MYO5B: variants seen among roughly 807,000 people sequenced by gnomAD.
MYO5B encodes myosin VB.
A neutral mutation model predicts 229.3 loss-of-function variants in MYO5B; 143 were observed. The ratio of observed to expected loss-of-function variants is 0.62; its 90% CI spans 0.54 to 0.72. MYO5B has a LOEUF of 0.72. Among genes scored for constraint, MYO5B ranks in the 30% least tolerant of loss-of-function variants. The pLI, the probability that MYO5B is intolerant of heterozygous loss-of-function variation, is 0.00. For synonymous variants in MYO5B, 918 were observed against 885.2 expected, an observed-to-expected ratio of 1.04 and a Z score of -0.66; for missense variants, 2,321 against 2,331.0, an observed-to-expected ratio of 1.00 and a Z score of 0.09.
At chr18:50,172,843 G>T (rs781227590) in intron 1 of MYO5B, among the ~76,000 whole-genome samples, 4 of 152,208 alleles carry the variant, frequency 2.6e-5, no homozygotes, top group African/African-American at 9.7e-5. Context: ...CCCAGAGGAG[G>T]TGACTTGGCA....
intron 1 of MYO5B, among the ~76,000 whole-genome samples, chr18:50,182,043 C>G (rs2033080590): frequency 6.6e-6 from 1 of 152,168 alleles, no homozygotes; most frequent in South Asian, 2.1e-4. Flanking sequence ...AGGTCAAAAG[C>G]CTACTTTTGC....
rs1316824138 is a variant in MYO5B at position 49,837,649 on chromosome 18, C to T, written c.5006G>A (p.Cys1669Tyr). The stretch of plus-strand genomic sequence containing the variant: ...GATCTCAGGGTCCAAGCCCTGGTCA[C>T]ACATGACTGTATGAAAGGCATTCAT... ...RQMNAFHTVM[C>Y]DQGLDPEIIL... is the part of the protein sequence containing the mutation. The change falls in exon 37 of 40, where the codon TGT (cysteine) becomes TAT (tyrosine). Residue 1669 changes from cysteine to tyrosine, a missense_variant. Physicochemically the swap from Cys to Tyr is radical, Grantham distance 194. Transcript: ENST00000285039. The T allele has an allele frequency of 1.2e-6, 2 of 1,614,038 alleles. No homozygotes were observed. Among genetic ancestry groups the T allele is most frequent in the South Asian group, 1.1e-5 (1 of 91,074 alleles).
At chr18:49,982,977 A>C (rs894252331) in intron 8 of MYO5B, among the ~76,000 whole-genome samples, 1 of 152,188 alleles carries the variant, frequency 6.6e-6, no homozygotes, top group Non-Finnish European at 1.5e-5. Context: ...CTACAAGGGC[A>C]GCTGCCAGAG....
At position 49,954,435 on chromosome 18, in the gene MYO5B, C is replaced by G; in HGVS notation, c.1546G>C (p.Val516Leu). Residue 516 changes from valine to leucine, a missense_variant and splice_region_variant, in exon 13 of 40, where the codon GTC (valine) becomes CTC (leucine). Physicochemically the swap from Val to Leu is conservative, Grantham distance 32 (BLOSUM62 1). This residue lies in a region of MYO5B where 2,113 missense variants were observed against 2,044.7 expected (regional missense o/e 1.03). Transcript: ENST00000285039. ...ILDLLDEECK[V>L]PKGTDQNWAQ... ...CAGTTCTGGTCAGTTCCTTTGGGGA[C>G]CTGCAGAACCACAAGATAGGGCAGA... 6.2e-7 allele frequency: 1 copy of G among 1,613,848 alleles called. No individual in the cohort carries two copies. The highest frequency in any genetic ancestry group is 8.5e-7 in the Non-Finnish European group (1 of 1,179,914).
intron 28 of MYO5B, 62 bp downstream of exon 28, chr18:49,864,079 A>C (rs1024681323): frequency 6.3e-6 from 10 of 1,590,136 alleles, no homozygotes; most frequent in East Asian, 2.2e-5. Context: ...AATTAAAAAA[A>C]CACTAATCTA....
At chr18:49,859,905 G>A (rs1568613586) in intron 29 of MYO5B, among the ~76,000 whole-genome samples, 1 of 152,218 alleles carries the variant, frequency 6.6e-6, no homozygotes, top group Non-Finnish European at 1.5e-5. Context: ...ACAGCTCCGA[G>A]CAAATCTTGA....
At chr18:50,090,338 C>CA (rs11393869) in intron 1 of MYO5B, among the ~76,000 whole-genome samples, 103,464 of 136,396 alleles carry the variant, frequency 0.76, 39,404 homozygotes, top group East Asian at 0.97. Context: ...GCAAGACCCT[C>CA]AAAAAAAAAA....
In MYO5B at chr18:50,037,679, C is replaced by T. The variant is rs577580597; in HGVS notation, c.311-685G>A. ...CTTTGGGATGCTGAGGCAGGAGAAT[C>T]GCTTAAGGCCAGGAGTTTGAGACCA... On this transcript the variant is annotated intron_variant, in intron 3 of 39. Coordinates refer to ENST00000285039, the MANE Select transcript of MYO5B (RefSeq NM_001080467.3). 1.8e-3 allele frequency among the ~76,000 whole-genome samples: 279 copies of T among 152,260 alleles called. 2 individuals are homozygous for T. The highest frequency in any genetic ancestry group is 3.1e-3 in the Non-Finnish European group (210 of 68,016).
chr18:50,014,597 GC>G (rs1475177933), intron 4 of MYO5B, among the ~76,000 whole-genome samples: 2 of 152,168 alleles, frequency 1.3e-5, no homozygotes, highest in African/African-American at 4.8e-5. Flanking sequence ...AGTAAATGAA[GC>G]CCAGACTCTC....
At chr18:50,085,903 T>C (rs991891981) in intron 1 of MYO5B, among the ~76,000 whole-genome samples, 8 of 143,452 alleles carry the variant, frequency 5.6e-5, no homozygotes, top group African/African-American at 2.1e-4. Flanking sequence ...CATCACACTC[T>C]GGGGACTGTT....
chr18:49,947,168 C>G lies in MYO5B; in HGVS notation c.1752+6092G>C, dbSNP rs558016887. On this transcript the variant is annotated intron_variant, in intron 14 of 39. Transcript: ENST00000285039. Reference sequence around the variant, plus strand: ...TCACCCAGGCTGGAGTGCAATGGCACGATCTCAGCTCACTGCAAACTCCAC... The same window carrying G: ...TCACCCAGGCTGGAGTGCAATGGCAGGATCTCAGCTCACTGCAAACTCCAC... Among the ~76,000 whole-genome samples, 5 of 140,934 alleles carry G rather than the reference C, an allele frequency of 3.5e-5. No homozygotes were observed. In the East Asian group the frequency reaches 6.4e-4, roughly 18 times the overall value. 92.5% of individuals were successfully genotyped at this position (140,934 alleles called of 152,430 possible).
chr18:49,849,305 C>A (rs1046129823), intron 32 of MYO5B, among the ~76,000 whole-genome samples: 1 of 152,214 alleles, frequency 6.6e-6, no homozygotes, highest in African/African-American at 2.4e-5. Flanking sequence ...CTCTGGGTTC[C>A]CCATTCCTCT....
At chr18:50,160,378 G>C (rs185301097) in intron 1 of MYO5B, among the ~76,000 whole-genome samples, 196 of 152,356 alleles carry the variant, frequency 1.3e-3, no homozygotes, top group African/African-American at 4.3e-3. Context: ...GTAAAACCCA[G>C]TTCTCTATCA....
intron 27 of MYO5B, among the ~76,000 whole-genome samples, chr18:49,868,054 A>G (rs370620490): frequency 2.7e-4 from 41 of 152,288 alleles, no homozygotes; most frequent in African/African-American, 9.6e-4. Flanking sequence ...AATCATGTTT[A>G]CAAAGACATG....
At chr18:49,917,482 T>C (rs2025030016) in intron 17 of MYO5B, among the ~76,000 whole-genome samples, 1 of 38,926 alleles carries the variant, frequency 2.6e-5, no homozygotes, top group South Asian at 7.3e-4. Flanking sequence ...CTCCAGACCA[T>C]GGTTTGTAAA....
intron 10 of MYO5B, among the ~76,000 whole-genome samples, chr18:49,965,007 C>G (rs922894460): frequency 6.6e-6 from 1 of 152,224 alleles, no homozygotes; most frequent in Non-Finnish European, 1.5e-5. Context: ...TAAGAACTGA[C>G]AACCTGACCT....
intron 1 of MYO5B, among the ~76,000 whole-genome samples, chr18:50,073,395 T>C (rs1467486982): frequency 2.0e-5 from 3 of 152,194 alleles, no homozygotes; most frequent in African/African-American, 4.8e-5. Flanking sequence ...AGCCCTCCTC[T>C]ACATGCAAGC....
chr18:50,046,822 A>G lies in MYO5B; in HGVS notation c.139-6508T>C, dbSNP rs573996291. ...TATCTAATCTTTGACAAACCTGACA[A>G]AAACAAGCAATGGGGAAAGGATTCC... is the stretch of plus-strand genomic sequence containing the variant. On this transcript the variant is annotated intron_variant, in intron 2 of 39. Coordinates refer to ENST00000285039, the MANE Select transcript of MYO5B (RefSeq NM_001080467.3). Among the ~76,000 whole-genome samples, 3 of 152,356 alleles carry G rather than the reference A, an allele frequency of 2.0e-5. No homozygotes were observed. In the East Asian group the frequency reaches 5.8e-4, roughly 29 times the overall value.
At chr18:50,079,767 G>A (rs1397406112) in intron 1 of MYO5B, among the ~76,000 whole-genome samples, 2 of 152,196 alleles carry the variant, frequency 1.3e-5, no homozygotes, top group African/African-American at 2.4e-5. Context: ...CCAAGTCCAG[G>A]GCAAAGCATC....
Sources: gnomAD v4.1 joint callset for allele counts (sites outside exome capture counted in the v4.1 genomes callset) on GRCh38, gnomAD v4.1.1 for gene constraint, gnomAD v4.1.1 regional missense constraint, MANE v1.5 for transcripts, NCBI Gene and HGNC (gene_info 2026-07-23, HGNC 2026-07-21) for gene names.